GALNT2: variants seen among roughly 807,000 people sequenced by gnomAD.
GALNT2 encodes polypeptide N-acetylgalactosaminyltransferase 2.
GALNT2 carries 31 observed loss-of-function variants against 81.4 expected under a neutral mutation model. That is an observed-to-expected ratio of 0.38 (90% CI 0.29 to 0.51). The LOEUF (loss-of-function observed/expected upper bound fraction) is 0.51. Ranked by LOEUF, GALNT2 falls within the 20% of genes least tolerant of loss-of-function variation. The pLI is 0.87. For synonymous variants in GALNT2, 303 were observed against 287.4 expected, an observed-to-expected ratio of 1.05 and a Z score of -0.55; for missense variants, 629 against 765.7, an observed-to-expected ratio of 0.82 and a Z score of 2.11.
rs775791276 is a variant in GALNT2 at position 230,076,903 on chromosome 1, C to T, written c.126+9497C>T. ...GGCCATCAAGGTTTCTTCCTCTCTG[C>T]GTCAGAGACCAGTCCAGGGAGTGAA... On this transcript the variant is annotated intron_variant, in intron 1 of 15. Coordinates refer to ENST00000366672, the MANE Select transcript of GALNT2 (RefSeq NM_004481.5). Among the ~76,000 whole-genome samples, 8 of 152,282 alleles carry T rather than the reference C, an allele frequency of 5.3e-5. No individual in the cohort carries two copies. In the South Asian group the frequency reaches 8.3e-4, roughly 16 times the overall value.
intron 3 of GALNT2, among the ~76,000 whole-genome samples, chr1:230,205,792 C>T (rs781589532): frequency 6.6e-6 from 1 of 152,168 alleles, no homozygotes; most frequent in Non-Finnish European, 1.5e-5. Flanking sequence ...CCAGGCTAAC[C>T]AGGCCAAGCA....
chr1:230,240,732 A>T (rs1044031327), intron 6 of GALNT2, among the ~76,000 whole-genome samples: 15 of 151,880 alleles, frequency 9.9e-5, no homozygotes, highest in African/African-American at 3.6e-4. Flanking sequence ...TCCTGCTTCA[A>T]GTTTGCTGAT....
At chr1:230,078,210 T>C (rs1659621574) in intron 1 of GALNT2, among the ~76,000 whole-genome samples, 1 of 152,220 alleles carries the variant, frequency 6.6e-6, no homozygotes, top group East Asian at 1.9e-4. Flanking sequence ...ACTTTATTAG[T>C]GGTTATATTA....
At chr1:230,176,525 A>G (rs1662985123) in intron 1 of GALNT2, among the ~76,000 whole-genome samples, 2 of 152,194 alleles carry the variant, frequency 1.3e-5, no homozygotes, top group South Asian at 4.1e-4. Context: ...TGCTACAATC[A>G]AGCCTCAAAA....
At chr1:230,157,525 A>G (rs1404373795) in intron 1 of GALNT2, among the ~76,000 whole-genome samples, 1 of 152,170 alleles carries the variant, frequency 6.6e-6, no homozygotes. Flanking sequence ...TGCTCTTGGG[A>G]TTCATAATGG....
intron 1 of GALNT2, among the ~76,000 whole-genome samples, chr1:230,165,885 A>G (rs1433132923): frequency 2.0e-5 from 3 of 152,218 alleles, no homozygotes; most frequent in Non-Finnish European, 4.4e-5. Flanking sequence ...GGTCACTCAT[A>G]TTAGGCATGA....
intron 1 of GALNT2, among the ~76,000 whole-genome samples, chr1:230,069,765 T>G (rs1478212727): frequency 2.7e-5 from 4 of 149,772 alleles, no homozygotes; most frequent in African/African-American, 9.9e-5. Flanking sequence ...TAGCGGGCCA[T>G]GCACAGAAAG....
At position 230,262,971 on chromosome 1, in the gene GALNT2, A is replaced by G. The variant is rs772439449; in HGVS notation, c.1279A>G (p.Lys427Glu). The G allele has an allele frequency of 9.9e-6, 16 of 1,614,220 alleles. No homozygotes were observed. The South Asian group carries it at 1.8e-4, about 18-fold the overall frequency. ...LRKKLSCKPF[K>E]WYLENVYPEL... ...GAAGAAACTCAGCTGCAAGCCTTTC[A>G]AATGGTACCTTGAAAATGTCTATCC... Residue 427 changes from lysine to glutamate, a missense_variant, in exon 13 of 16, where the codon AAA (lysine) becomes GAA (glutamate). By Grantham distance (56) the Lys-to-Glu change is moderately conservative. Coordinates refer to ENST00000366672, the MANE Select transcript of GALNT2 (RefSeq NM_004481.5).
At chr1:230,159,586 T>C (rs1662367490) in intron 1 of GALNT2, among the ~76,000 whole-genome samples, 1 of 152,196 alleles carries the variant, frequency 6.6e-6, no homozygotes, top group East Asian at 1.9e-4. Context: ...AGGTCCACAC[T>C]GAGCCTACAT....
At chr1:230,094,213 G>C (rs1203547613) in intron 1 of GALNT2, among the ~76,000 whole-genome samples, 1 of 102,938 alleles carries the variant, frequency 9.7e-6, no homozygotes, top group Admixed American at 1.3e-4. Context: ...GTTTTGCTAT[G>C]TTGCTCAGGG....
intron 13 of GALNT2, chr1:230,263,360 C>T (rs187494422): frequency 1.6e-4 from 39 of 243,446 alleles, no homozygotes; most frequent in African/African-American, 8.1e-4. Flanking sequence ...TCCCCAGCCT[C>T]CGCAAGCATG....
chr1:230,145,686 G>C (rs1339865093), intron 1 of GALNT2, among the ~76,000 whole-genome samples: 1 of 152,208 alleles, frequency 6.6e-6, no homozygotes, highest in Non-Finnish European at 1.5e-5. Context: ...GCCTTGCCCC[G>C]TGTGGTGCCT....
At chr1:230,183,862 C>A (rs867020055) in intron 2 of GALNT2, among the ~76,000 whole-genome samples, 3 of 151,932 alleles carry the variant, frequency 2.0e-5, no homozygotes, top group Non-Finnish European at 2.9e-5. Context: ...CCTGTAATTC[C>A]AGCCACCTGG....
chr1:230,200,062 CTTTTT>C (rs34212427), intron 2 of GALNT2, among the ~76,000 whole-genome samples: 2 of 113,516 alleles, frequency 1.8e-5, no homozygotes, highest in East Asian at 2.8e-4. Flanking sequence ...TCTTTTTTTT[CTTTTT>C]TTTTTTTTTT....
rs573873269 is a variant in GALNT2 at position 230,062,118 on chromosome 1, A to C, written n.89+4040A>C. On this transcript the variant is annotated intron_variant and non_coding_transcript_variant, in intron 1 of 6. Transcript: ENST00000494106. ...TTTTACCGGTTTGATGGGAGGATAA[A>C]TAGTATGTTTGTAGTTTTAATTTAC... 2.0e-5 allele frequency among the ~76,000 whole-genome samples: 3 copies of C among 152,282 alleles called. No individual in the cohort carries two copies. In the East Asian group the frequency reaches 5.8e-4, roughly 29 times the overall value.
chr1:230,195,283 G>A (rs1379687520), intron 2 of GALNT2, among the ~76,000 whole-genome samples: 1 of 152,212 alleles, frequency 6.6e-6, no homozygotes, highest in East Asian at 1.9e-4. Context: ...GTGGCAGTTA[G>A]ATGTGGTTAA....
Position 230,280,313 on chromosome 1 carries a change from C to T in GALNT2, c.*855C>T, listed in dbSNP as rs1572170898. 2 of 298,014 alleles carry T rather than the reference C, an allele frequency of 6.7e-6. No individual in the cohort carries two copies. Among genetic ancestry groups the T allele is most frequent in the East Asian group, 1.6e-4 (2 of 12,856 alleles). The allele number at this position is 298,014 out of a possible 1,614,324, so 18.5% of individuals were successfully genotyped here. On this transcript the variant is annotated 3_prime_UTR_variant, in exon 16 of 16. Transcript: ENST00000366672. ...CCTCGGCCCCGGCATCCCTGTTGGGCGTCAGCCTGAGAGTCCCTACTGTGC... is the reference window on the plus strand; with the variant it reads ...CCTCGGCCCCGGCATCCCTGTTGGGTGTCAGCCTGAGAGTCCCTACTGTGC...
At chr1:230,096,343 G>A (rs904689851) in intron 1 of GALNT2, among the ~76,000 whole-genome samples, 2 of 152,178 alleles carry the variant, frequency 1.3e-5, no homozygotes, top group African/African-American at 4.8e-5. Flanking sequence ...ATTTGCTTAC[G>A]TGATTTAAAT....
intron 14 of GALNT2, among the ~76,000 whole-genome samples, chr1:230,268,646 C>T (rs186916237): frequency 1.3e-4 from 20 of 152,322 alleles, no homozygotes; most frequent in African/African-American, 4.6e-4. Context: ...CAGCATTGCA[C>T]CTTAATTACC....
Sources: gnomAD v4.1 joint callset for allele counts (sites outside exome capture counted in the v4.1 genomes callset) on GRCh38, gnomAD v4.1.1 for gene constraint, MANE v1.5 for transcripts, NCBI Gene and HGNC (gene_info 2026-07-23, HGNC 2026-07-21) for gene names.